Variants in RDX observed in about 807,000 individuals in gnomAD.
RDX encodes deafness, autosomal recessive 24.
RDX carries 32 observed loss-of-function variants against 83.7 expected under a neutral mutation model. The ratio of observed to expected loss-of-function variants is 0.38; its 90% CI spans 0.29 to 0.51. RDX has a LOEUF of 0.51. RDX is among the 20% of genes least tolerant of loss of function. The pLI is 0.87. For missense variants in RDX, 600 were observed against 689.9 expected (o/e 0.87, Z 1.46); for synonymous variants, 229 against 222.7 (o/e 1.03, Z -0.25).
At chr11:110,225,893 A>AC (rs1555035301), downstream of RDX, among the ~76,000 whole-genome samples, 1 of 149,908 alleles carries the variant, frequency 6.7e-6, no homozygotes, top group Non-Finnish European at 1.5e-5. Context: ...CTAAAAAAAA[A>AC]AAGAAGAAGA....
At chr11:110,234,427 T>C (rs1236477487) in intron 12 of RDX, among the ~76,000 whole-genome samples, 4 of 152,324 alleles carry the variant, frequency 2.6e-5, no homozygotes, top group East Asian at 3.9e-4. Flanking sequence ...ATTCTTAATA[T>C]AGTCTAATAT....
Position 110,230,915 on chromosome 11 carries a change from G to A in RDX, c.*954C>T, listed in dbSNP as rs1247426535. ...AGGTAGTATTGTTGTCCCCTCCTCG[G>A]GACTGATGTTTTTATATGCTGCCCT... On this transcript the variant is annotated 3_prime_UTR_variant, in exon 14 of 14. Transcript: ENST00000645495. The A allele has an allele frequency of 6.6e-6, 1 of 150,914 alleles. No homozygotes were observed. The highest frequency in any genetic ancestry group is 1.5e-5 in the Non-Finnish European group (1 of 67,768). 9.3% of individuals were successfully genotyped at this position (150,914 alleles called of 1,614,324 possible). A position where few individuals can be genotyped will look rare whatever the true frequency, so the allele number is the denominator to read the frequency against.
chr11:110,248,391 T>C (rs1446381979), intron 9 of RDX, among the ~76,000 whole-genome samples: 1 of 152,196 alleles, frequency 6.6e-6, no homozygotes, highest in Non-Finnish European at 1.5e-5. Flanking sequence ...ATGACATACA[T>C]ACACTCATGT....
chr11:110,216,391 G>C (rs868089812), intron 14 of RDX, among the ~76,000 whole-genome samples: 1 of 142,874 alleles, frequency 7.0e-6, no homozygotes, highest in Non-Finnish European at 1.5e-5. Flanking sequence ...TTTTTTTTTT[G>C]AAACAGGGTC....
Position 110,241,576 on chromosome 11 carries a change from T to A in RDX, c.1091-3924A>T, listed in dbSNP as rs2134324338. Among the ~76,000 whole-genome samples the A allele has an allele frequency of 1.3e-5, 2 of 152,240 alleles. 1 individual carries two copies. Among genetic ancestry groups the A allele is most frequent in the South Asian group, 4.2e-4 (2 of 4,816 alleles). On this transcript the variant is annotated intron_variant, in intron 10 of 13. Coordinates refer to ENST00000645495, the MANE Select transcript of RDX (RefSeq NM_002906.4). ...CCTCCCAAAGTGCTGGGATTACAGG[T>A]GTGAGCTATTGCACCCAGCCTCAAA...
At chr11:110,240,325 G>C (rs994093009) in intron 10 of RDX, among the ~76,000 whole-genome samples, 2 of 78,780 alleles carry the variant, frequency 2.5e-5, no homozygotes, top group African/African-American at 7.5e-5. Context: ...TCATATGTCA[G>C]AGCTAAATCT....
chr11:110,296,562 T>G lies in RDX; in HGVS notation c.-160A>C, dbSNP rs1198166555. ...GAGGGAGAAGCGGTGGTGCGAGCGCTGGCCCGCGGGAGACGAGAGGCGCCG... is the reference window on the plus strand; with the variant it reads ...GAGGGAGAAGCGGTGGTGCGAGCGCGGGCCCGCGGGAGACGAGAGGCGCCG... On this transcript the variant is annotated 5_prime_UTR_variant, in exon 1 of 14. Transcript: ENST00000645495. 1 of 151,136 alleles carries G rather than the reference T, an allele frequency of 6.6e-6. No individual in the cohort carries two copies. The highest frequency in any genetic ancestry group is 1.5e-5 in the Non-Finnish European group (1 of 67,698). 9.4% of individuals were successfully genotyped at this position (151,136 alleles called of 1,614,324 possible).
In RDX at chr11:110,233,583, G is replaced by T; in HGVS notation, c.1345-104C>A. 4 of 1,206,084 alleles carry T rather than the reference G, an allele frequency of 3.3e-6. 1 individual carries two copies. The highest frequency in any genetic ancestry group is 2.6e-5 in the South Asian group (2 of 75,622). The allele number at this position is 1,206,084 out of a possible 1,614,324, so 74.7% of individuals were successfully genotyped here. ...AATAGAAACTGTATTTCAAGGTAAT[G>T]AAAATAGGCCCTATTTATGAAACCT... On this transcript the variant is annotated intron_variant, in intron 12 of 13. Coordinates refer to ENST00000645495, the MANE Select transcript of RDX (RefSeq NM_002906.4).
intron 10 of RDX, among the ~76,000 whole-genome samples, chr11:110,242,470 A>G (rs1417632799): frequency 6.6e-6 from 1 of 151,682 alleles, no homozygotes; most frequent in African/African-American, 2.4e-5. Context: ...AAAAAAAAAA[A>G]AGCCAAAAAC....
At chr11:110,215,810 CCACTGT>C (rs1864031042) in intron 14 of RDX, among the ~76,000 whole-genome samples, 1 of 152,162 alleles carries the variant, frequency 6.6e-6, no homozygotes. Context: ...GCGGAGTTTG[CCACTGT>C]GGTTGTCCTT....
chr11:110,262,496 G>T (rs543796196), intron 5 of RDX, among the ~76,000 whole-genome samples: 1 of 152,096 alleles, frequency 6.6e-6, no homozygotes, highest in South Asian at 2.1e-4. Context: ...ACTGAGGCAG[G>T]AGAATCGCTT....
intron 1 of RDX, among the ~76,000 whole-genome samples, chr11:110,295,906 G>A (rs901483280): frequency 6.6e-6 from 1 of 152,212 alleles, no homozygotes; most frequent in Non-Finnish European, 1.5e-5. Flanking sequence ...CCCAAAGCCT[G>A]TCATGCAACA....
At chr11:110,266,945 CT>C (rs1355592549) in intron 3 of RDX, among the ~76,000 whole-genome samples, 34 of 152,042 alleles carry the variant, frequency 2.2e-4, no homozygotes, top group African/African-American at 7.7e-4. Context: ...GTCACCCAGG[CT>C]GGAGTGCAGT....
chr11:110,291,730 T>C (rs1268461786), intron 1 of RDX, among the ~76,000 whole-genome samples: 1 of 152,106 alleles, frequency 6.6e-6, no homozygotes, highest in African/African-American at 2.4e-5. Flanking sequence ...GCTGTCTTAG[T>C]ATGAAGTTAA....
intron 9 of RDX, among the ~76,000 whole-genome samples, chr11:110,249,407 T>C (rs1408737654): frequency 6.6e-6 from 1 of 152,150 alleles, no homozygotes; most frequent in South Asian, 2.1e-4. Context: ...TTAAAATTCC[T>C]GCAGCTCCTA....
chr11:110,252,816 C>T (rs1210307586), intron 9 of RDX, among the ~76,000 whole-genome samples: 1 of 151,982 alleles, frequency 6.6e-6, no homozygotes, highest in Non-Finnish European at 1.5e-5. Flanking sequence ...AAGGGTTTTA[C>T]TACACTGCAT....
In RDX at chr11:110,268,865, C is replaced by T. The variant is rs188025478; in HGVS notation, c.96+3671G>A. Among the ~76,000 whole-genome samples the T allele has an allele frequency of 6.6e-5, 10 of 151,326 alleles. No homozygotes were observed. The East Asian group carries it at 1.9e-3, about 29-fold the overall frequency. On this transcript the variant is annotated intron_variant, in intron 3 of 13. Coordinates refer to ENST00000645495, the MANE Select transcript of RDX (RefSeq NM_002906.4). Reference sequence around the variant, plus strand: ...TTTTAGAAGTGAATCTGCTTGGGCACGTAACTATAACATAGGTATATTTAT... The same window carrying T: ...TTTTAGAAGTGAATCTGCTTGGGCATGTAACTATAACATAGGTATATTTAT...
In RDX at chr11:110,209,395, G is replaced by A. The variant is rs543597949; in HGVS notation, c.1749-9717C>T. ...GCAGTCTGAGATCAAACTGCAAGGC[G>A]GCAGCGAGGCTGGGGGAGGGGCGCC... On this transcript the variant is annotated intron_variant, in intron 14 of 15. Transcript: ENST00000528498. Among the ~76,000 whole-genome samples, 35 of 151,016 alleles carry A rather than the reference G, an allele frequency of 2.3e-4. No individual in the cohort carries two copies. In the East Asian group the frequency reaches 4.3e-3, roughly 19 times the overall value.
chr11:110,253,120 A>G (rs1859405092), intron 9 of RDX, among the ~76,000 whole-genome samples: 2 of 152,240 alleles, frequency 1.3e-5, no homozygotes, highest in South Asian at 4.1e-4. Context: ...ATCATTCAAT[A>G]TAAAACCTAA....
Sources: allele counts gnomAD v4.1 joint callset (sites outside exome capture counted in the v4.1 genomes callset), GRCh38; gene constraint gnomAD v4.1.1; transcripts MANE v1.5; gene names NCBI Gene and HGNC (gene_info 2026-07-23, HGNC 2026-07-21).